SLC19A1: variants seen among roughly 807,000 people sequenced by gnomAD.
SLC19A1 encodes solute carrier family 19 member 1, also known as reduced folate transporter.
In SLC19A1, 37 loss-of-function variants were observed where a neutral mutation model predicts 35.3. That is an observed-to-expected ratio of 1.05 (90% CI 0.81 to 1.38). SLC19A1 has a LOEUF of 1.38. SLC19A1 is among the 40% of genes most tolerant of loss of function. The pLI, the probability that SLC19A1 is intolerant of heterozygous loss-of-function variation, is 0.00. For missense variants in SLC19A1, 831 were observed against 826.9 expected (o/e 1.00, Z -0.06); for synonymous variants, 460 against 398.5 (o/e 1.15, Z -1.84).
chr21:45,529,247 A>G (rs11089012), intron 4 of SLC19A1, among the ~76,000 whole-genome samples: 64,583 of 152,112 alleles, frequency 0.42, 14,979 homozygotes, highest in South Asian at 0.56. Flanking sequence ...AGGATGGGGA[A>G]GTACAGGGCC....
rs2077832122 is a variant in SLC19A1, at chr21:45,530,471, G to T, written c.1151+299C>A. 1.3e-5 allele frequency among the ~76,000 whole-genome samples: 2 copies of T among 152,168 alleles called. No homozygotes were observed. Among genetic ancestry groups the T allele is most frequent in the African/African-American group, 4.8e-5 (2 of 41,426 alleles). ...AGGTGCAAGCTCCCGCTCCTGCCTG[G>T]ATGGGGTCTCAGCAGCCCGGGGCCT... On this transcript the variant is annotated intron_variant, in intron 4 of 5. Transcript: ENST00000311124. The surrounding 1 kb of genome is among the most constrained non-coding windows in gnomAD (Gnocchi z 5.3).
intron 5 of SLC19A1, among the ~76,000 whole-genome samples, chr21:45,523,908 C>T (rs1375614530): frequency 2.0e-5 from 3 of 152,222 alleles, no homozygotes; most frequent in Non-Finnish European, 4.4e-5. Context: ...AGCTGGACTG[C>T]TGCCAGCACC....
intron 3 of SLC19A1, chr21:45,506,378 C>A: frequency 2.9e-6 from 1 of 347,144 alleles, no homozygotes. Flanking sequence ...CGTGGCTCTG[C>A]ACCCCGCGTT....
At chr21:45,537,538 C>T (rs1264194045) in intron 2 of SLC19A1, among the ~76,000 whole-genome samples, 3 of 148,300 alleles carry the variant, frequency 2.0e-5, no homozygotes, top group African/African-American at 7.4e-5. Context: ...CCCGCCCACC[C>T]ACAGGCGGCC....
At chr21:45,525,317 G>A (rs1017016131) in intron 5 of SLC19A1, among the ~76,000 whole-genome samples, 11 of 152,258 alleles carry the variant, frequency 7.2e-5, no homozygotes, top group African/African-American at 2.4e-4. Flanking sequence ...CGGAGACCCG[G>A]CCTTGGCTGG....
upstream of SLC19A1, among the ~76,000 whole-genome samples, chr21:45,548,405 G>A (rs929166987): frequency 6.6e-6 from 1 of 152,216 alleles, no homozygotes; most frequent in Admixed American, 6.5e-5. Flanking sequence ...AGACACGTAA[G>A]TGACGCTTAC....
At chr21:45,503,105 C>G (rs1260693766) in intron 3 of SLC19A1, 1 of 152,162 alleles carries the variant, frequency 6.6e-6, no homozygotes, top group African/African-American at 2.4e-5. Flanking sequence ...ATGGCTGGGT[C>G]AAATGGTATT....
At chr21:45,516,371 A>G (rs1419437839) in intron 5 of SLC19A1, among the ~76,000 whole-genome samples, 2 of 152,176 alleles carry the variant, frequency 1.3e-5, no homozygotes, top group African/African-American at 4.8e-5. Flanking sequence ...CCATTTCCCA[A>G]GAACCCCTCG....
In SLC19A1 at chr21:45,540,284, CA is replaced by C. The variant is rs2078262608; in HGVS notation, c.-50+2083del. Among the ~76,000 whole-genome samples the C allele has an allele frequency of 6.6e-6, 1 of 152,200 alleles. No individual in the cohort carries two copies. The highest frequency in any genetic ancestry group is 2.4e-5 in the African/African-American group (1 of 41,456). On this transcript the variant is annotated intron_variant, in intron 1 of 5. Transcript: ENST00000311124. This position sits in a 1 kb window ranked among gnomAD's most constrained non-coding sequence, Gnocchi z 5.5. ...TTAGACAGGCGCACCGATCCCCAGA[CA>C]ACCAGAGCAACCAGATCGCCGCAGA...
downstream of SLC19A1, among the ~76,000 whole-genome samples, chr21:45,509,098 T>C (rs2037418369): frequency 6.6e-6 from 1 of 151,888 alleles, no homozygotes; most frequent in African/African-American, 2.4e-5. Context: ...ACGTGGTGAG[T>C]GATTGCTGCG....
upstream of SLC19A1, among the ~76,000 whole-genome samples, chr21:45,546,037 G>A (rs1000976191): frequency 6.6e-6 from 1 of 152,224 alleles, no homozygotes; most frequent in African/African-American, 2.4e-5. Context: ...GCCAGGGGTA[G>A]CCCATCACAA....
At chr21:45,525,332 C>A in intron 5 of SLC19A1, among the ~76,000 whole-genome samples, 1 of 152,264 alleles carries the variant, frequency 6.6e-6, no homozygotes, top group East Asian at 1.9e-4. Context: ...GGCTGGGACC[C>A]TCAGGAGTTA....
chr21:45,560,298 A>C (rs547164162), intron 1 of SLC19A1, among the ~76,000 whole-genome samples: 1 of 152,032 alleles, frequency 6.6e-6, no homozygotes, highest in Non-Finnish European at 1.5e-5. Flanking sequence ...GGAGCGGGAC[A>C]CTCCATGTCC....
At chr21:45,538,215 G>T (rs1372588832) in intron 1 of SLC19A1, among the ~76,000 whole-genome samples, 1 of 152,228 alleles carries the variant, frequency 6.6e-6, no homozygotes, top group Non-Finnish European at 1.5e-5. Flanking sequence ...CCCAGGCCAG[G>T]CTGTCACCAC....
In SLC19A1 at chr21:45,531,123, G is replaced by A. The variant is rs1230383344; in HGVS notation, c.950-152C>T. 7 of 597,366 alleles carry A rather than the reference G, an allele frequency of 1.2e-5. No homozygotes were observed. The African/African-American group carries it at 1.4e-4, about 12-fold the overall frequency. 37.0% of individuals were successfully genotyped at this position (597,366 alleles called of 1,614,324 possible). A position where few individuals can be genotyped will look rare whatever the true frequency, so the allele number is the denominator to read the frequency against. The stretch of plus-strand genomic sequence containing the variant: ...ATCCACGGGGCAGGGGGAGGTGGCA[G>A]GGAGCCTCCGGGGGAAGGATCCACG... On this transcript the variant is annotated intron_variant, in intron 3 of 5. Transcript: ENST00000311124.
chr21:45,511,079 C>A (rs55690336), downstream of SLC19A1: 417,254 of 1,029,156 alleles, frequency 0.41, 90,118 homozygotes, highest in East Asian at 0.58. Flanking sequence ...CCCCCACACA[C>A]CACACACACA....
rs2038045487 is a variant in SLC19A1 at position 45,517,813 on chromosome 21, CA to C, written c.1294-1674del. On this transcript the variant is annotated intron_variant, in intron 5 of 5. Coordinates refer to ENST00000311124, the MANE Select transcript of SLC19A1 (RefSeq NM_194255.4). The surrounding 1 kb of genome is among the most constrained non-coding windows in gnomAD (Gnocchi z 4.4). ...TTGCCTGGCAACAAGAAGGAGCCCCCACCCAGCCACCCACCCTCCCTCAGGT... is the reference window on the plus strand; with the variant it reads ...TTGCCTGGCAACAAGAAGGAGCCCCCCCCAGCCACCCACCCTCCCTCAGGT... Among the ~76,000 whole-genome samples the C allele has an allele frequency of 6.6e-6, 1 of 151,720 alleles. No homozygotes were observed. Among genetic ancestry groups the C allele is most frequent in the South Asian group, 2.1e-4 (1 of 4,796 alleles).
chr21:45,515,994 T>C lies in SLC19A1; in HGVS notation c.1440A>G (p.Ala480=). The C allele has an allele frequency of 6.4e-7, 1 of 1,566,770 alleles. No homozygotes were observed. Among genetic ancestry groups the C allele is most frequent in the Non-Finnish European group, 8.6e-7 (1 of 1,156,744 alleles). ...TGTCCTGCACGCTCAGTGCCTGTGC[T>C]GCCTTCTCCTCCGCGGCACTCCTCA... ...QGLRSAAEEK[A]AQALSVQDKG... is the part of the protein sequence containing the mutation. The change falls in exon 6 of 6, where the codon GCA becomes GCG. Residue 480 remains alanine (A), a synonymous_variant. Coordinates refer to ENST00000311124, the MANE Select transcript of SLC19A1 (RefSeq NM_194255.4).
At chr21:45,503,595 A>G (rs995344686) in intron 3 of SLC19A1, among the ~76,000 whole-genome samples, 3 of 134,968 alleles carry the variant, frequency 2.2e-5, no homozygotes, top group East Asian at 2.3e-4. Flanking sequence ...ATGAGATCAC[A>G]TGGACACAGG....
Sources: allele counts gnomAD v4.1 joint callset (sites outside exome capture counted in the v4.1 genomes callset), GRCh38; gene constraint gnomAD v4.1.1; non-coding constraint Gnocchi (gnomAD v3.1); transcripts MANE v1.5; gene names NCBI Gene and HGNC (gene_info 2026-07-23, HGNC 2026-07-21).